Variants in STAM observed in about 807,000 individuals in gnomAD.
The protein encoded by STAM is signal transducing adaptor molecule.
Under a neutral mutation model 63.4 loss-of-function variants are expected in STAM, and 16 were observed. The observed-to-expected ratio is 0.25, with a 90% CI of 0.17 to 0.38. The LOEUF is 0.38. STAM is among the 10% of genes least tolerant of loss of function. The pLI is 1.00. For synonymous variants in STAM, 238 were observed against 223.9 expected (o/e 1.06, Z -0.56); for missense variants, 636 against 657.1 (o/e 0.97, Z 0.35).
At chr10:17,668,599 C>G (rs1227497424) in intron 2 of STAM, among the ~76,000 whole-genome samples, 5 of 152,168 alleles carry the variant, frequency 3.3e-5, no homozygotes, top group Admixed American at 6.5e-5. Flanking sequence ...TTAAAATGAC[C>G]TGTGCTCCAT....
Position 17,687,350 on chromosome 10 carries a change from C to T in STAM, c.298-677C>T, listed in dbSNP as rs77549987. On this transcript the variant is annotated intron_variant, in intron 4 of 13. Coordinates refer to ENST00000377524, the MANE Select transcript of STAM (RefSeq NM_003473.4). ...ATTAGCTGGGCATGGTGGTGCGCGC[C>T]TGTAATCCTACTCGGGAGGTTGACA... Among the ~76,000 whole-genome samples the T allele has an allele frequency of 6.9e-4, 105 of 152,128 alleles. 5 individuals are homozygous for T. The East Asian group carries it at 0.012, about 17-fold the overall frequency.
intron 13 of STAM, among the ~76,000 whole-genome samples, chr10:17,710,800 C>G (rs922420108): frequency 8.5e-5 from 13 of 152,280 alleles, no homozygotes; most frequent in African/African-American, 2.6e-4. Flanking sequence ...GTGTTAATGA[C>G]AATTTCAAGT....
intron 2 of STAM, among the ~76,000 whole-genome samples, chr10:17,661,829 T>A (rs782499709): frequency 3.3e-5 from 5 of 152,170 alleles, no homozygotes; most frequent in Non-Finnish European, 7.4e-5. Context: ...CTGTATACCC[T>A]CCACTCTAGC....
intron 2 of STAM, among the ~76,000 whole-genome samples, chr10:17,680,330 A>G (rs563672457): frequency 6.6e-6 from 1 of 152,228 alleles, no homozygotes; most frequent in South Asian, 2.1e-4. Context: ...ATACCCATTA[A>G]ACAATTAAAC....
Position 17,714,646 on chromosome 10 carries a change from C to T in STAM, c.1489C>T (p.Leu497=). ...TGCTGCTGCAACTGCCGATGTCACTCTGTACCAGAATGCAGGACCTAATAT... is the reference window on the plus strand; with the variant it reads ...TGCTGCTGCAACTGCCGATGTCACTTTGTACCAGAATGCAGGACCTAATAT... ...TAAAATADVT[L]YQNAGPNMPQ... Residue 497 remains leucine, a synonymous_variant, in exon 14 of 14, where the codon CTG becomes TTG. Transcript: ENST00000377524. 1.2e-6 allele frequency: 2 copies of T among 1,614,174 alleles called. No individual in the cohort carries two copies. Among genetic ancestry groups the T allele is most frequent in the East Asian group, 2.2e-5 (1 of 44,876 alleles).
chr10:17,669,887 T>TC lies in STAM; in HGVS notation c.125+9339_125+9340insC, dbSNP rs1370190937. On this transcript the variant is annotated intron_variant, in intron 2 of 13. Transcript: ENST00000377524. ...GCCCGGCCAATTCTTTTCTTTTCTTTTTTTTTTTTTTTTTTTGTATTTTTA... is the reference window on the plus strand; with the variant it reads ...GCCCGGCCAATTCTTTTCTTTTCTTTCTTTTTTTTTTTTTTTTGTATTTTTA... Among the ~76,000 whole-genome samples, 1,025 of 146,660 alleles carry TC rather than the reference T, an allele frequency of 7.0e-3. 15 individuals carry two copies. The highest frequency in any genetic ancestry group is 0.024 in the African/African-American group (974 of 40,204).
At chr10:17,702,259 A>G (rs1468287920) in intron 9 of STAM, among the ~76,000 whole-genome samples, 12 of 152,198 alleles carry the variant, frequency 7.9e-5, no homozygotes, top group African/African-American at 2.9e-4. Context: ...ATCAGTTTAC[A>G]TACTTTTAGT....
At chr10:17,712,738 T>G (rs1836612050) in intron 13 of STAM, among the ~76,000 whole-genome samples, 1 of 152,222 alleles carries the variant, frequency 6.6e-6, no homozygotes, top group Non-Finnish European at 1.5e-5. Flanking sequence ...TGTATTCCGT[T>G]GGAAACAGGA....
chr10:17,670,174 G>C (rs918413897), intron 2 of STAM, among the ~76,000 whole-genome samples: 2 of 152,310 alleles, frequency 1.3e-5, no homozygotes, highest in African/African-American at 4.8e-5. Flanking sequence ...CTAGGCAATA[G>C]GGAATGGGAT....
intron 4 of STAM, among the ~76,000 whole-genome samples, chr10:17,687,490 A>G (rs991567722): frequency 8.9e-6 from 1 of 111,838 alleles, no homozygotes; most frequent in Non-Finnish European, 1.9e-5. Flanking sequence ...CTCTGTCTCA[A>G]AAAACAAACC....
intron 2 of STAM, chr10:17,672,936 C>G (rs781839550): frequency 1.5e-6 from 1 of 683,604 alleles, no homozygotes; most frequent in Admixed American, 6.3e-5. Flanking sequence ...TTCTTTGTCC[C>G]TGCCCCTGAC....
chr10:17,653,488 C>T (rs1405884454), intron 1 of STAM, among the ~76,000 whole-genome samples: 1 of 152,190 alleles, frequency 6.6e-6, no homozygotes, highest in Non-Finnish European at 1.5e-5. Flanking sequence ...GGTGATGAAG[C>T]TTCCTAGCAC....
chr10:17,689,912 C>T (rs1222035141), intron 5 of STAM, among the ~76,000 whole-genome samples: 4 of 152,204 alleles, frequency 2.6e-5, no homozygotes, highest in African/African-American at 9.6e-5. Flanking sequence ...AGCACTGCTG[C>T]TCTAGAGGAC....
chr10:17,655,811 C>G (rs1554822064), intron 1 of STAM, among the ~76,000 whole-genome samples: 1 of 152,156 alleles, frequency 6.6e-6, no homozygotes, highest in East Asian at 1.9e-4. Flanking sequence ...TATTGAAGAT[C>G]TTGGTGATGT....
chr10:17,659,639 T>A (rs1220852125), intron 1 of STAM, among the ~76,000 whole-genome samples: 1 of 151,878 alleles, frequency 6.6e-6, no homozygotes, highest in Admixed American at 6.6e-5. Context: ...CAGCTAATTA[T>A]TTTTTTAAAG....
intron 6 of STAM, among the ~76,000 whole-genome samples, chr10:17,694,543 C>T (rs782064013): frequency 8.5e-5 from 13 of 152,120 alleles, no homozygotes; most frequent in African/African-American, 1.2e-4. Context: ...GATAGAGACA[C>T]GTTTGAGATC....
At chr10:17,649,551 A>AT (rs1241664168) in intron 1 of STAM, among the ~76,000 whole-genome samples, 9 of 151,806 alleles carry the variant, frequency 5.9e-5, no homozygotes, top group East Asian at 1.9e-4. Flanking sequence ...AGAACTTTTC[A>AT]TTTTTTTTCC....
intron 2 of STAM, among the ~76,000 whole-genome samples, chr10:17,669,805 C>T (rs12771930): frequency 6.6e-6 from 1 of 151,160 alleles, no homozygotes; most frequent in African/African-American, 2.4e-5. Context: ...TCACACCGTT[C>T]TCCTGCCTCA....
chr10:17,664,587 A>G lies in STAM; in HGVS notation c.125+4039A>G, dbSNP rs1355549853. Among the ~76,000 whole-genome samples the G allele has an allele frequency of 2.0e-5, 3 of 152,168 alleles. No individual in the cohort carries two copies. In the East Asian group the frequency reaches 5.8e-4, roughly 29 times the overall value. On this transcript the variant is annotated intron_variant, in intron 2 of 13. Transcript: ENST00000377524. ...TGGTCGCATAAGAATGTTGAACAGT[A>G]TTGTAGGCTGCCATTGAGGTATTCT...
Sources: allele counts gnomAD v4.1 joint callset (sites outside exome capture counted in the v4.1 genomes callset), GRCh38; gene constraint gnomAD v4.1.1; transcripts MANE v1.5; gene names NCBI Gene and HGNC (gene_info 2026-07-23, HGNC 2026-07-21).